ARHGAP24: variants seen among roughly 807,000 people sequenced by gnomAD.
ARHGAP24 encodes Rho GTPase activating protein 24.
Under a neutral mutation model 76.4 loss-of-function variants are expected in ARHGAP24, and 50 were observed. The ratio of observed to expected loss-of-function variants is 0.65; its 90% CI spans 0.52 to 0.83. The LOEUF (loss-of-function observed/expected upper bound fraction) is 0.83, where lower values mean the gene tolerates loss of function less well. Among genes scored for constraint, ARHGAP24 ranks in the 40% least tolerant of loss-of-function variants. The probability of loss-of-function intolerance (pLI) is 0.00; values close to 1 mark genes in which losing one functional copy is unlikely to be tolerated. For missense variants in ARHGAP24, 930 were observed against 914.2 expected (o/e 1.02, Z -0.22); for synonymous variants, 345 against 323.3 (o/e 1.07, Z -0.72).
chr4:85,867,717 C>T (rs1732272954), intron 3 of ARHGAP24, among the ~76,000 whole-genome samples: 1 of 151,360 alleles, frequency 6.6e-6, no homozygotes, highest in Admixed American at 6.6e-5. Context: ...GTGCTATTAA[C>T]AGACAATAAT....
intron 8 of ARHGAP24, among the ~76,000 whole-genome samples, chr4:85,979,833 A>G (rs1347205677): frequency 3.9e-5 from 6 of 152,286 alleles, no homozygotes; most frequent in South Asian, 4.1e-4. Flanking sequence ...TCTTCCCAGT[A>G]TACGTATTAT....
chr4:85,939,759 G>A (rs1321834253), intron 4 of ARHGAP24, among the ~76,000 whole-genome samples: 4 of 151,828 alleles, frequency 2.6e-5, no homozygotes, highest in African/African-American at 7.3e-5. Context: ...TTTCATTACC[G>A]TACAAACCCA....
intron 4 of ARHGAP24, among the ~76,000 whole-genome samples, chr4:85,927,995 T>C (rs775271953): frequency 2.0e-5 from 3 of 152,094 alleles, no homozygotes; most frequent in Non-Finnish European, 4.4e-5. Flanking sequence ...TTCCTTCAAA[T>C]GAAAATGAAT....
rs192579453 is a variant in ARHGAP24 at position 85,935,456 on chromosome 4, G to A, written c.392-6610G>A. On this transcript the variant is annotated intron_variant, in intron 4 of 9. Coordinates refer to ENST00000395184, the MANE Select transcript of ARHGAP24 (RefSeq NM_001025616.3). ...ATTCACATAAACTAAAGGAAATCGG[G>A]TTTGGTCTTTGAAAGTTACAAAAAG... 1.3e-4 allele frequency among the ~76,000 whole-genome samples: 20 copies of A among 152,322 alleles called. No homozygotes were observed. The East Asian group carries it at 3.9e-3, about 29-fold the overall frequency.
In ARHGAP24 at chr4:85,721,919, A is replaced by G. The variant is rs746810138; in HGVS notation, c.215A>G (p.Glu72Gly). ...TTTCTGCCTGGAAATAAAGTTTCTG[A>G]GCATCCCTGCAATGAAGAGAACCCA... is the stretch of plus-strand genomic sequence containing the variant. The part of the protein sequence containing the change: ...TIFLPGNKVS[E>G]HPCNEENPGK... Residue 72 changes from glutamate to glycine, a missense_variant, in exon 3 of 10, where the codon GAG (glutamate) becomes GGG (glycine). Transcript: ENST00000395184. 32 of 1,613,534 alleles carry G rather than the reference A, an allele frequency of 2.0e-5. No individual in the cohort carries two copies. The highest frequency in any genetic ancestry group is 2.6e-5 in the Non-Finnish European group (31 of 1,179,668).
chr4:85,926,025 C>G (rs1332414200), intron 4 of ARHGAP24, among the ~76,000 whole-genome samples: 1 of 149,774 alleles, frequency 6.7e-6, no homozygotes, highest in Non-Finnish European at 1.5e-5. Flanking sequence ...CCCCTTTCTC[C>G]TCTTCCATCT....
At chr4:85,664,188 A>T (rs1396181595) in intron 2 of ARHGAP24, among the ~76,000 whole-genome samples, 1 of 151,360 alleles carries the variant, frequency 6.6e-6, no homozygotes, top group South Asian at 2.1e-4. Flanking sequence ...ACAATTTCAG[A>T]GCCTGTTATT....
chr4:85,974,423 C>T (rs1404933357), intron 6 of ARHGAP24, among the ~76,000 whole-genome samples: 1 of 152,110 alleles, frequency 6.6e-6, no homozygotes, highest in Non-Finnish European at 1.5e-5. Flanking sequence ...TGTGAAATTT[C>T]CAGAAAGATC....
At chr4:85,650,995 T>G (rs1721920425) in intron 2 of ARHGAP24, among the ~76,000 whole-genome samples, 1 of 149,474 alleles carries the variant, frequency 6.7e-6, no homozygotes, top group Admixed American at 6.6e-5. Flanking sequence ...GAGTTTAGAT[T>G]GGGTGACTAT....
At chr4:85,613,944 G>C (rs770063070) in intron 2 of ARHGAP24, among the ~76,000 whole-genome samples, 8 of 152,122 alleles carry the variant, frequency 5.3e-5, no homozygotes, top group Non-Finnish European at 8.8e-5. Flanking sequence ...TGTTTTTCTT[G>C]TGAGAAATTG....
intron 3 of ARHGAP24, among the ~76,000 whole-genome samples, chr4:85,917,621 G>T (rs1308421607): frequency 6.6e-6 from 1 of 152,102 alleles, no homozygotes; most frequent in Non-Finnish European, 1.5e-5. Flanking sequence ...GGTGTGAGAT[G>T]GTATCTCACT....
intron 1 of ARHGAP24, among the ~76,000 whole-genome samples, chr4:85,553,458 T>A (rs1173949305): frequency 6.6e-6 from 1 of 152,238 alleles, no homozygotes; most frequent in Admixed American, 6.5e-5. Flanking sequence ...TACAGAGTGC[T>A]GATTGGTGCA....
At position 85,813,818 on chromosome 4, in the gene ARHGAP24, T is replaced by TTATATATATATA. The variant is rs35261368; in HGVS notation, c.268+91860_268+91871dup. 1.3e-3 allele frequency among the ~76,000 whole-genome samples: 185 copies of TTATATATATATA among 137,128 alleles called. 1 individual carries two copies. The highest frequency in any genetic ancestry group is 4.2e-3 in the African/African-American group (152 of 36,144). The allele number at this position is 137,128 out of a possible 152,430, so 90.0% of individuals were successfully genotyped here. A position where few individuals can be genotyped will look rare whatever the true frequency, so the allele number is the denominator to read the frequency against. On this transcript the variant is annotated intron_variant, in intron 3 of 9. Transcript: ENST00000395184. ...TTATATAAATATATATATATTTATT[T>TTATATATATATA]TATATATATATATATATATATATAT...
At chr4:85,828,255 A>T (rs1464021980) in intron 3 of ARHGAP24, among the ~76,000 whole-genome samples, 2 of 152,172 alleles carry the variant, frequency 1.3e-5, no homozygotes, top group African/African-American at 4.8e-5. Context: ...CTGCCACATG[A>T]TGTATCTGTT....
At chr4:85,866,475 G>T (rs747042072) in intron 3 of ARHGAP24, among the ~76,000 whole-genome samples, 2 of 152,136 alleles carry the variant, frequency 1.3e-5, no homozygotes, top group Non-Finnish European at 2.9e-5. Flanking sequence ...ACATGAACAA[G>T]CTCAACTTTC....
At chr4:85,787,150 T>A (rs1329925757) in intron 3 of ARHGAP24, among the ~76,000 whole-genome samples, 2 of 152,226 alleles carry the variant, frequency 1.3e-5, no homozygotes, top group Non-Finnish European at 2.9e-5. Context: ...TTGCCCGGCC[T>A]GTCGCAGTGG....
At chr4:85,764,859 A>T (rs1479072116) in intron 3 of ARHGAP24, among the ~76,000 whole-genome samples, 1 of 142,860 alleles carries the variant, frequency 7.0e-6, no homozygotes, top group Non-Finnish European at 1.5e-5. Context: ...AGCATTTGCA[A>T]TTCAGAAAGT....
chr4:85,506,381 G>A (rs575849387), intron 1 of ARHGAP24, among the ~76,000 whole-genome samples: 1 of 152,308 alleles, frequency 6.6e-6, no homozygotes, highest in African/African-American at 2.4e-5. Flanking sequence ...ATACCTTGCT[G>A]AGCTGTGGTG....
At chr4:85,639,466 T>G (rs1168286957) in intron 2 of ARHGAP24, among the ~76,000 whole-genome samples, 5 of 152,138 alleles carry the variant, frequency 3.3e-5, no homozygotes, top group African/African-American at 1.2e-4. Context: ...TGGATCTCTT[T>G]GTACCCTGTC....
Sources: allele counts gnomAD v4.1 joint callset (sites outside exome capture counted in the v4.1 genomes callset), GRCh38; gene constraint gnomAD v4.1.1; transcripts MANE v1.5; gene names NCBI Gene and HGNC (gene_info 2026-07-23, HGNC 2026-07-21).